The following CNTN4 variants were observed in gnomAD, a reference collection of about 807,000 sequenced individuals.
CNTN4 encodes the protein contactin-4.
In CNTN4, 77 loss-of-function variants were observed where a neutral mutation model predicts 122.5. The observed-to-expected ratio is 0.63, with a 90% CI of 0.52 to 0.76. CNTN4 has a LOEUF of 0.76. Ranked by LOEUF, CNTN4 falls within the 30% of genes least tolerant of loss-of-function variation. The pLI is 0.00. For synonymous variants in CNTN4, 512 were observed against 447.0 expected (o/e 1.15, Z -1.83); for missense variants, 1,256 against 1,259.1 (o/e 1.00, Z 0.04).
intron 2 of CNTN4, among the ~76,000 whole-genome samples, chr3:2,114,993 G>C (rs561887961): frequency 1.3e-5 from 2 of 152,280 alleles, no homozygotes; most frequent in African/African-American, 4.8e-5. Flanking sequence ...ACAGGAACAA[G>C]TTTCCTTTTC....
intron 2 of CNTN4, among the ~76,000 whole-genome samples, chr3:2,264,215 A>G (rs2040951640): frequency 6.6e-6 from 1 of 152,114 alleles, no homozygotes; most frequent in Admixed American, 6.6e-5. Context: ...TGGCTGTGCT[A>G]CTTTTACATT....
At chr3:2,848,580 C>A (rs1192569344) in intron 7 of CNTN4, among the ~76,000 whole-genome samples, 1 of 152,176 alleles carries the variant, frequency 6.6e-6, no homozygotes, top group Non-Finnish European at 1.5e-5. Flanking sequence ...CTTAAATAAA[C>A]ACGGGAATTT....
At chr3:2,113,029 C>T (rs11918591) in intron 2 of CNTN4, among the ~76,000 whole-genome samples, 5,231 of 152,232 alleles carry the variant, frequency 0.034, 169 homozygotes, top group African/African-American at 0.082. Flanking sequence ...AAAATATATA[C>T]TTTCAATGGA....
intron 14 of CNTN4, among the ~76,000 whole-genome samples, chr3:3,020,790 A>G (rs568085643): frequency 7.9e-4 from 120 of 152,314 alleles, no homozygotes; most frequent in Non-Finnish European, 1.2e-3. Context: ...ATATTTGAGG[A>G]CTGTTGTCAT....
rs543952909 is a variant in CNTN4 at position 2,755,851 on chromosome 3, A to G, written c.358+10154A>G. On this transcript the variant is annotated intron_variant, in intron 6 of 24. Transcript: ENST00000418658. ...CAGACTTTTAAAAAACATGAAGGCTAAAAGAGAACAATTAATATTTTGTAT... is the reference window on the plus strand; with the variant it reads ...CAGACTTTTAAAAAACATGAAGGCTGAAAGAGAACAATTAATATTTTGTAT... Among the ~76,000 whole-genome samples the G allele has an allele frequency of 3.9e-5, 6 of 152,316 alleles. No homozygotes were observed. The East Asian group carries it at 1.2e-3, about 29-fold the overall frequency.
At chr3:2,590,081 G>C (rs1326348095) in intron 4 of CNTN4, among the ~76,000 whole-genome samples, 3 of 152,124 alleles carry the variant, frequency 2.0e-5, no homozygotes, top group Non-Finnish European at 4.4e-5. Flanking sequence ...CCTCTCCTTT[G>C]CTTTCATACT....
At chr3:2,854,224 C>A (rs546956635) in intron 7 of CNTN4, among the ~76,000 whole-genome samples, 88 of 148,876 alleles carry the variant, frequency 5.9e-4, no homozygotes, top group African/African-American at 2.0e-3. Flanking sequence ...GGAAAAGCAT[C>A]TTGGGCCATA....
At chr3:2,925,100 T>C (rs2151370025) in intron 12 of CNTN4, among the ~76,000 whole-genome samples, 1 of 152,336 alleles carries the variant, frequency 6.6e-6, no homozygotes, top group Middle Eastern at 3.4e-3. Flanking sequence ...TTCATGGTGG[T>C]GTATACCAAA....
intron 12 of CNTN4, among the ~76,000 whole-genome samples, chr3:2,907,272 C>G (rs2094246080): frequency 6.6e-6 from 1 of 152,088 alleles, no homozygotes; most frequent in Non-Finnish European, 1.5e-5. Context: ...AAGATAATCT[C>G]TTGTTAAGAT....
intron 3 of CNTN4, among the ~76,000 whole-genome samples, chr3:2,386,919 G>T (rs940595946): frequency 5.9e-5 from 9 of 152,156 alleles, no homozygotes; most frequent in African/African-American, 2.2e-4. Flanking sequence ...AGAGATTATA[G>T]AAATCATGCA....
chr3:2,425,283 A>G (rs1307043302), intron 3 of CNTN4, among the ~76,000 whole-genome samples: 4 of 152,148 alleles, frequency 2.6e-5, no homozygotes, highest in South Asian at 2.1e-4. Flanking sequence ...TCAGCTTTCA[A>G]CATATGGCTA....
chr3:2,637,162 G>T lies in CNTN4; in HGVS notation c.55+65604G>T, dbSNP rs146337335. ...TCACCATGTTAGCCAGGCTGTTCTT[G>T]AGCTCCTGGGCTCAAGTGATCTGCC... is the stretch of plus-strand genomic sequence containing the variant. On this transcript the variant is annotated intron_variant, in intron 4 of 24. Coordinates refer to ENST00000418658, the MANE Select transcript of CNTN4 (RefSeq NM_175607.3). Among the ~76,000 whole-genome samples the T allele has an allele frequency of 8.8e-3, 1,343 of 151,892 alleles. 20 individuals carry two copies. The highest frequency in any genetic ancestry group is 0.03 in the African/African-American group (1,250 of 41,426).
chr3:2,253,362 G>T (rs1278322134), intron 2 of CNTN4, among the ~76,000 whole-genome samples: 1 of 152,116 alleles, frequency 6.6e-6, no homozygotes, highest in African/African-American at 2.4e-5. Context: ...GACAGGAGTT[G>T]ATGGTATGGT....
intron 2 of CNTN4, among the ~76,000 whole-genome samples, chr3:2,258,828 C>G (rs1486462059): frequency 6.6e-6 from 1 of 151,954 alleles, no homozygotes; most frequent in African/African-American, 2.4e-5. Context: ...TTATTTCTCT[C>G]CCATTGAAAT....
intron 10 of CNTN4, among the ~76,000 whole-genome samples, chr3:2,896,578 G>A (rs2094117383): frequency 6.6e-6 from 1 of 152,162 alleles, no homozygotes; most frequent in South Asian, 2.1e-4. Context: ...TGAGAAGACT[G>A]TAATAATAAA....
intron 3 of CNTN4, among the ~76,000 whole-genome samples, chr3:2,383,370 G>C (rs2046103545): frequency 6.6e-6 from 1 of 152,112 alleles, no homozygotes; most frequent in African/African-American, 2.4e-5. Context: ...AATGATAATG[G>C]CTAAGTAGTG....
chr3:2,547,867 T>G (rs1575942131), intron 3 of CNTN4, among the ~76,000 whole-genome samples: 1 of 152,062 alleles, frequency 6.6e-6, no homozygotes, highest in Non-Finnish European at 1.5e-5. Context: ...CCCCAGGAAA[T>G]TATTTCTTGT....
At chr3:2,426,309 G>C (rs186947242) in intron 3 of CNTN4, among the ~76,000 whole-genome samples, 2 of 152,242 alleles carry the variant, frequency 1.3e-5, no homozygotes, top group South Asian at 2.1e-4. Context: ...GTCCTTTTCT[G>C]CATCTATTGA....
chr3:2,906,588 A>G (rs1037961350), intron 12 of CNTN4, among the ~76,000 whole-genome samples: 1 of 152,160 alleles, frequency 6.6e-6, no homozygotes, highest in Non-Finnish European at 1.5e-5. Flanking sequence ...CTGTAATCCC[A>G]GCACTTTGGG....
Sources: allele counts gnomAD v4.1 joint callset (sites outside exome capture counted in the v4.1 genomes callset), GRCh38; gene constraint gnomAD v4.1.1; transcripts MANE v1.5; gene names NCBI Gene and HGNC (gene_info 2026-07-23, HGNC 2026-07-21).